Variants in MAF observed in about 807,000 individuals in gnomAD.
The protein encoded by MAF is transcription factor Maf.
In MAF, 10 loss-of-function variants were observed where a neutral mutation model predicts 22.0. That is an observed-to-expected ratio of 0.45 (90% CI 0.28 to 0.77). The LOEUF (loss-of-function observed/expected upper bound fraction) is 0.77. MAF is among the 30% of genes least tolerant of loss of function. MAF has a pLI of 0.12. For synonymous variants in MAF, 337 were observed against 255.8 expected (o/e 1.32, Z -3.03); for missense variants, 544 against 548.4 (o/e 0.99, Z 0.08).
At chr16:79,366,668 C>A in the MAF span, among the ~76,000 whole-genome samples, 1 of 152,216 alleles carries the variant, frequency 6.6e-6, no homozygotes, top group South Asian at 2.1e-4. Context: ...TTTGCCATGA[C>A]TTCTTTATCT....
chr16:79,280,936 T>C, the MAF span, among the ~76,000 whole-genome samples: 1 of 152,020 alleles, frequency 6.6e-6, no homozygotes, highest in African/African-American at 2.4e-5. Context: ...GTCAAAGCAG[T>C]CTAGTGATTG....
the MAF span, among the ~76,000 whole-genome samples, chr16:79,484,251 T>A: frequency 6.6e-6 from 1 of 152,300 alleles, no homozygotes; most frequent in African/African-American, 2.4e-5. Flanking sequence ...ATGCCCTCCG[T>A]CTTCTTAGTC....
the MAF span, among the ~76,000 whole-genome samples, chr16:79,357,308 C>A: frequency 3.4e-4 from 49 of 146,176 alleles, no homozygotes; most frequent in African/African-American, 1.3e-3. Flanking sequence ...AATTAGCTGG[C>A]CTGTGGTGGC....
the MAF span, among the ~76,000 whole-genome samples, chr16:79,541,748 C>A: frequency 6.6e-6 from 1 of 151,042 alleles, no homozygotes; most frequent in Non-Finnish European, 1.5e-5. Context: ...CCTCCACCTC[C>A]GGGTTCAAGA....
chr16:79,489,328 T>C, the MAF span, among the ~76,000 whole-genome samples: 3 of 152,308 alleles, frequency 2.0e-5, no homozygotes, highest in South Asian at 2.1e-4. Flanking sequence ...CATTCATCCA[T>C]CCACCCATTC....
the MAF span, among the ~76,000 whole-genome samples, chr16:79,275,387 C>CA: frequency 7.9e-5 from 12 of 152,304 alleles, no homozygotes; most frequent in African/African-American, 2.9e-4. Flanking sequence ...TGAGAAGTTG[C>CA]ATGTTTGTTA....
At chr16:79,247,125 G>A in the MAF span, among the ~76,000 whole-genome samples, 1 of 152,220 alleles carries the variant, frequency 6.6e-6, no homozygotes, top group African/African-American at 2.4e-5. Context: ...GCCTCCCCGA[G>A]GTGGTGATAT....
At chr16:79,434,859 G>A in the MAF span, among the ~76,000 whole-genome samples, 1 of 152,110 alleles carries the variant, frequency 6.6e-6, no homozygotes, top group African/African-American at 2.4e-5. Flanking sequence ...AGCTTTTCAT[G>A]GATTAGAATC....
chr16:79,444,253 A>C, the MAF span, among the ~76,000 whole-genome samples: 1 of 152,196 alleles, frequency 6.6e-6, no homozygotes, highest in Non-Finnish European at 1.5e-5. Flanking sequence ...TTATAGCAAA[A>C]TAAAAATATT....
chr16:79,273,178 T>A, the MAF span, among the ~76,000 whole-genome samples: 1 of 152,118 alleles, frequency 6.6e-6, no homozygotes, highest in African/African-American at 2.4e-5. Context: ...TGCTCCCTGA[T>A]CCCTGCTTTC....
chr16:79,555,175 C>G, the MAF span, among the ~76,000 whole-genome samples: 1 of 152,224 alleles, frequency 6.6e-6, no homozygotes, highest in Admixed American at 6.5e-5. Flanking sequence ...TACTGCATCA[C>G]TTTGTATTTG....
chr16:79,218,401 T>TTA, the MAF span, among the ~76,000 whole-genome samples: 1 of 152,224 alleles, frequency 6.6e-6, no homozygotes, highest in Non-Finnish European at 1.5e-5. Flanking sequence ...ATTAGCATCT[T>TTA]TATGCATACA....
At position 79,595,556 on chromosome 16, in the gene MAF, C is replaced by T. The variant is rs761341145; in HGVS notation, c.1119-1003G>A. On this transcript the variant is annotated intron_variant, in intron 1 of 1. Transcript: ENST00000326043. ...GAGTGCAAACTGCATGAATTTGTAACATTAGTTTCATGAATTTGTGTCATT... is the reference window on the plus strand; with the variant it reads ...GAGTGCAAACTGCATGAATTTGTAATATTAGTTTCATGAATTTGTGTCATT... 37 of 1,059,576 alleles carry T rather than the reference C, an allele frequency of 3.5e-5. No individual in the cohort carries two copies. In the Middle Eastern group the frequency reaches 1.3e-3, roughly 36 times the overall value. 65.6% of individuals were successfully genotyped at this position (1,059,576 alleles called of 1,614,324 possible).
chr16:79,447,865 C>G, the MAF span, among the ~76,000 whole-genome samples: 1 of 110,956 alleles, frequency 9.0e-6, no homozygotes, highest in East Asian at 3.0e-4. Flanking sequence ...TCACTGTACT[C>G]TACGAGACAG....
the MAF span, chr16:79,211,925 C>G: frequency 6.5e-7 from 1 of 1,539,792 alleles, no homozygotes; most frequent in Non-Finnish European, 8.7e-7. Flanking sequence ...TAAGAGCAGT[C>G]ACAACAGAGT....
chr16:79,493,951 A>G, the MAF span, among the ~76,000 whole-genome samples: 1 of 151,866 alleles, frequency 6.6e-6, no homozygotes, highest in Admixed American at 6.6e-5. Context: ...AGGTTACATA[A>G]GGATTTCCCT....
the MAF span, among the ~76,000 whole-genome samples, chr16:79,213,243 G>C: frequency 1.3e-5 from 2 of 152,160 alleles, no homozygotes; most frequent in Non-Finnish European, 2.9e-5. Context: ...GGCAGCTTCA[G>C]GCCAGACAAT....
the MAF span, chr16:79,212,453 A>G: frequency 3.1e-5 from 8 of 254,010 alleles, no homozygotes; most frequent in East Asian, 2.2e-4. Flanking sequence ...GATTATAACA[A>G]ATTTTTCAAA....
the MAF span, among the ~76,000 whole-genome samples, chr16:79,388,885 C>G: frequency 2.0e-5 from 3 of 152,256 alleles, no homozygotes; most frequent in African/African-American, 7.2e-5. Flanking sequence ...AATCCTAAAG[C>G]CAGAACTCAG....
Sources: allele counts gnomAD v4.1 joint callset (sites outside exome capture counted in the v4.1 genomes callset), GRCh38; gene constraint gnomAD v4.1.1; transcripts MANE v1.5; gene names NCBI Gene and HGNC (gene_info 2026-07-23, HGNC 2026-07-21).